MUSK: variants seen among roughly 807,000 people sequenced by gnomAD.
MUSK encodes the protein muscle associated receptor tyrosine kinase.
A neutral mutation model predicts 88.7 loss-of-function variants in MUSK; 55 were observed. The observed-to-expected ratio is 0.62, with a 90% CI of 0.50 to 0.78. The LOEUF (loss-of-function observed/expected upper bound fraction) is 0.78. Among genes scored for constraint, MUSK ranks in the 30% least tolerant of loss-of-function variants. The pLI, the probability that MUSK is intolerant of heterozygous loss-of-function variation, is 0.00. For synonymous variants in MUSK, 387 were observed against 391.9 expected (o/e 0.99, Z 0.15); for missense variants, 1,015 against 1,074.3 (o/e 0.94, Z 0.77).
intron 6 of MUSK, among the ~76,000 whole-genome samples, chr9:110,735,702 G>A (rs2077022658): frequency 1.3e-5 from 2 of 152,136 alleles, no homozygotes; most frequent in African/African-American, 4.8e-5. Flanking sequence ...AAGAAAAGAG[G>A]TTTAATTGGC....
intron 3 of MUSK, among the ~76,000 whole-genome samples, chr9:110,690,268 A>C (rs1426232324): frequency 9.4e-6 from 1 of 106,010 alleles, no homozygotes; most frequent in African/African-American, 3.8e-5. Context: ...ATATATATTT[A>C]AGTACAAATA....
chr9:110,778,861 T>A (rs1476647328), intron 11 of MUSK, among the ~76,000 whole-genome samples: 1 of 152,148 alleles, frequency 6.6e-6, no homozygotes, highest in East Asian at 1.9e-4. Context: ...CTTTTCACAT[T>A]TGTTATAATT....
At chr9:110,782,863 C>A (rs55957860) in intron 11 of MUSK, among the ~76,000 whole-genome samples, 7 of 152,092 alleles carry the variant, frequency 4.6e-5, no homozygotes, top group Non-Finnish European at 1.0e-4. Context: ...ACTGATCTTG[C>A]GCAGATGTTT....
At chr9:110,709,407 T>C (rs2076640779) in intron 5 of MUSK, among the ~76,000 whole-genome samples, 1 of 152,218 alleles carries the variant, frequency 6.6e-6, no homozygotes, top group Non-Finnish European at 1.5e-5. Flanking sequence ...ATCCTGGTTC[T>C]ACCACCTATC....
intron 7 of MUSK, among the ~76,000 whole-genome samples, chr9:110,752,458 T>C (rs572485088): frequency 4.4e-4 from 67 of 152,366 alleles, no homozygotes; most frequent in Non-Finnish European, 7.9e-4. Context: ...TCTCTCGGCA[T>C]CCGATGAGGC....
chr9:110,765,208 A>G (rs2077461802), intron 8 of MUSK, among the ~76,000 whole-genome samples: 1 of 152,238 alleles, frequency 6.6e-6, no homozygotes, highest in Non-Finnish European at 1.5e-5. Context: ...CAAAACCTGA[A>G]TGAATAATTC....
chr9:110,742,473 A>T (rs1322025646), intron 6 of MUSK, among the ~76,000 whole-genome samples: 1 of 152,140 alleles, frequency 6.6e-6, no homozygotes, highest in Admixed American at 6.5e-5. Context: ...AAACAAAATA[A>T]AATTGGGAGA....
In MUSK at chr9:110,682,792, T is replaced by C. The variant is rs567402281; in HGVS notation, c.198T>C (p.Ile66=). 1.4e-5 allele frequency: 23 copies of C among 1,611,708 alleles called. No individual in the cohort carries two copies. In the African/African-American group the frequency reaches 2.8e-4, roughly 20 times the overall value. ...QPEISWTRNK[I]LIKLFDTRYS... ...AGATTTCCTGGACTAGAAATAAAAT[T>C]CTCATTAAGTAAGTATTCCACATTT... The change falls in exon 2 of 15, where the codon ATT becomes ATC. Residue 66 remains isoleucine (I), a synonymous_variant. Transcript: ENST00000374448.
chr9:110,689,131 C>T (rs1311965348), intron 3 of MUSK, among the ~76,000 whole-genome samples: 1 of 125,158 alleles, frequency 8.0e-6, no homozygotes, highest in African/African-American at 3.1e-5. Context: ...ATATAAACTA[C>T]ATAAATAAAC....
At chr9:110,754,973 C>G (rs79640210) in intron 7 of MUSK, among the ~76,000 whole-genome samples, 20,539 of 152,190 alleles carry the variant, frequency 0.13, 1,824 homozygotes, top group East Asian at 0.28. Context: ...GGCATCACCT[C>G]TTAGATGATC....
At chr9:110,709,844 T>C (rs2076645705) in intron 5 of MUSK, among the ~76,000 whole-genome samples, 2 of 152,166 alleles carry the variant, frequency 1.3e-5, no homozygotes, top group Non-Finnish European at 2.9e-5. Flanking sequence ...TTCCTTAGTT[T>C]GTAGATAAAG....
chr9:110,775,571 C>T, intron 9 of MUSK: 1 of 560,560 alleles, frequency 1.8e-6, no homozygotes, highest in Non-Finnish European at 3.2e-6. Context: ...AATTGTGTTT[C>T]ACAACAAAAC....
intron 3 of MUSK, among the ~76,000 whole-genome samples, chr9:110,689,721 T>TAC (rs2076275544): frequency 1.3e-5 from 1 of 77,958 alleles, no homozygotes; most frequent in Non-Finnish European, 2.1e-5. Context: ...CTATATATGT[T>TAC]ATATATAGTT....
intron 14 of MUSK, among the ~76,000 whole-genome samples, chr9:110,797,751 C>G (rs2078033106): frequency 6.6e-6 from 1 of 152,082 alleles, no homozygotes; most frequent in South Asian, 2.1e-4. Context: ...GGCTTCTGCC[C>G]CCTACCCTCC....
intron 1 of MUSK, among the ~76,000 whole-genome samples, chr9:110,671,357 G>A (rs572395995): frequency 2.0e-3 from 301 of 152,012 alleles, no homozygotes; most frequent in Non-Finnish European, 3.5e-3. Context: ...CTTGGCAGAC[G>A]GTAATAACAA....
At chr9:110,765,621 C>A (rs546469346) in intron 8 of MUSK, among the ~76,000 whole-genome samples, 1 of 152,062 alleles carries the variant, frequency 6.6e-6, no homozygotes, top group Non-Finnish European at 1.5e-5. Context: ...TCACCCAGGC[C>A]GGAGTGCAGA....
chr9:110,774,635 G>A (rs1235175497), intron 9 of MUSK, among the ~76,000 whole-genome samples: 1 of 151,970 alleles, frequency 6.6e-6, no homozygotes, highest in Admixed American at 6.6e-5. Context: ...CTCTCCTCAG[G>A]TCCTTTACCT....
chr9:110,713,505 C>G (rs1467901563), intron 5 of MUSK, among the ~76,000 whole-genome samples: 1 of 152,112 alleles, frequency 6.6e-6, no homozygotes, highest in Non-Finnish European at 1.5e-5. Context: ...AGTGATCCAC[C>G]TGCCTCAGTC....
chr9:110,765,430 A>G (rs2077465585), intron 8 of MUSK, among the ~76,000 whole-genome samples: 1 of 152,158 alleles, frequency 6.6e-6, no homozygotes, highest in Admixed American at 6.5e-5. Context: ...GTTAGGGATT[A>G]ATTCCTTTCC....
Sources: allele counts gnomAD v4.1 joint callset (sites outside exome capture counted in the v4.1 genomes callset), GRCh38; gene constraint gnomAD v4.1.1; transcripts MANE v1.5; gene names NCBI Gene and HGNC (gene_info 2026-07-23, HGNC 2026-07-21).